The following ZDHHC14 variants were observed in gnomAD, a reference collection of about 807,000 sequenced individuals.
ZDHHC14 encodes the protein zDHHC palmitoyltransferase 14.
In ZDHHC14, 16 loss-of-function variants were observed where a neutral mutation model predicts 47.7. The ratio of observed to expected loss-of-function variants is 0.34; its 90% confidence interval spans 0.23 to 0.51. The LOEUF (loss-of-function observed/expected upper bound fraction) is 0.51. ZDHHC14 is among the 20% of genes least tolerant of loss of function. The probability of loss-of-function intolerance (pLI) is 0.97; values close to 1 mark genes in which losing one functional copy is unlikely to be tolerated. For synonymous variants in ZDHHC14, 293 were observed against 278.9 expected, an observed-to-expected ratio of 1.05 and a Z score of -0.50; for missense variants, 515 against 662.5, an observed-to-expected ratio of 0.78 and a Z score of 2.44.
intron 1 of ZDHHC14, among the ~76,000 whole-genome samples, chr6:157,458,015 G>T (rs913484334): frequency 6.6e-6 from 1 of 152,228 alleles, no homozygotes; most frequent in Non-Finnish European, 1.5e-5. Context: ...TTGCAGGAAA[G>T]ATAAATAAAT....
At chr6:157,572,645 G>A (rs868175211) in intron 2 of ZDHHC14, among the ~76,000 whole-genome samples, 50 of 64,214 alleles carry the variant, frequency 7.8e-4, no homozygotes, top group Admixed American at 2.1e-3. Context: ...CCCTCCCCCC[G>A]CCCCCCACCC....
intron 3 of ZDHHC14, among the ~76,000 whole-genome samples, chr6:157,597,024 G>A (rs1035096125): frequency 9.9e-5 from 15 of 152,076 alleles, no homozygotes; most frequent in East Asian, 3.8e-4. Context: ...GCCTGTTTCC[G>A]TCTGTCTCTT....
rs144040051 is a variant in ZDHHC14 at position 157,442,735 on chromosome 6, C to T, written c.245+60469C>T. 5.3e-5 allele frequency among the ~76,000 whole-genome samples: 8 copies of T among 152,360 alleles called. No individual in the cohort carries two copies. The South Asian group carries it at 6.2e-4, about 12-fold the overall frequency. ...CCAAGTCTGAAGCCCGCCCAGCAGA[C>T]GCCTCCTGAAGAACAATTTGCTCTT... is the stretch of plus-strand genomic sequence containing the variant. On this transcript the variant is annotated intron_variant, in intron 1 of 8. Transcript: ENST00000359775.
intron 1 of ZDHHC14, among the ~76,000 whole-genome samples, chr6:157,494,375 G>GT (rs1458535768): frequency 6.6e-6 from 1 of 152,162 alleles, no homozygotes; most frequent in Non-Finnish European, 1.5e-5. Context: ...CCCTCCCTGC[G>GT]GGCTCTGCAT....
At chr6:157,627,418 G>A (rs1785482068) in intron 3 of ZDHHC14, among the ~76,000 whole-genome samples, 1 of 152,190 alleles carries the variant, frequency 6.6e-6, no homozygotes, top group African/African-American at 2.4e-5. Flanking sequence ...TTGTATGAGC[G>A]AGTATGTTAG....
At chr6:157,503,410 C>T (rs1315360268) in intron 1 of ZDHHC14, among the ~76,000 whole-genome samples, 1 of 152,184 alleles carries the variant, frequency 6.6e-6, no homozygotes, top group Admixed American at 6.5e-5. Flanking sequence ...TACATCTCCG[C>T]TCCTGAACTT....
At chr6:157,386,370 A>G (rs969542902) in intron 1 of ZDHHC14, among the ~76,000 whole-genome samples, 1 of 152,224 alleles carries the variant, frequency 6.6e-6, no homozygotes, top group South Asian at 2.1e-4. Context: ...TTAAAAATAT[A>G]CAAATAAAAT....
chr6:157,555,752 C>A (rs943731136), intron 2 of ZDHHC14, among the ~76,000 whole-genome samples: 4 of 152,180 alleles, frequency 2.6e-5, no homozygotes, highest in African/African-American at 7.2e-5. Flanking sequence ...GCCCCGCACC[C>A]CCACCCCTGT....
intron 1 of ZDHHC14, among the ~76,000 whole-genome samples, chr6:157,417,452 G>GCATTA: frequency 6.6e-6 from 1 of 152,256 alleles, no homozygotes. Context: ...CCCTTTTTAA[G>GCATTA]AGCTGCTTAG....
intron 8 of ZDHHC14, 74 bp from the exon 9 acceptor site, chr6:157,672,645 CCCTGT>C: frequency 3.2e-6 from 1 of 310,532 alleles, no homozygotes; most frequent in Non-Finnish European, 6.3e-6. Context: ...CCCGCCCGTG[CCCTGT>C]CCCCATCCCT....
chr6:157,395,811 C>A (rs1354473864), intron 1 of ZDHHC14, among the ~76,000 whole-genome samples: 1 of 150,286 alleles, frequency 6.7e-6, no homozygotes, highest in Non-Finnish European at 1.5e-5. Flanking sequence ...AAAAAAAAAT[C>A]CCAAGTTTCT....
chr6:157,503,895 C>T (rs1583717715), intron 1 of ZDHHC14, among the ~76,000 whole-genome samples: 1 of 152,228 alleles, frequency 6.6e-6, no homozygotes, highest in East Asian at 1.9e-4. Flanking sequence ...TTGGTGCCAC[C>T]ACTTTGGATA....
intron 1 of ZDHHC14, among the ~76,000 whole-genome samples, chr6:157,468,978 T>C (rs1779290167): frequency 6.6e-6 from 1 of 152,220 alleles, no homozygotes; most frequent in Non-Finnish European, 1.5e-5. Flanking sequence ...TAGGGCCATC[T>C]TCCCAGGAGA....
chr6:157,399,903 G>A (rs1348786946), intron 1 of ZDHHC14, among the ~76,000 whole-genome samples: 2 of 152,182 alleles, frequency 1.3e-5, no homozygotes, highest in East Asian at 3.9e-4. Flanking sequence ...TGACATTTGG[G>A]GCAAGGAGAG....
intron 1 of ZDHHC14, among the ~76,000 whole-genome samples, chr6:157,458,534 T>C (rs1415099238): frequency 6.6e-6 from 1 of 152,242 alleles, no homozygotes; most frequent in Non-Finnish European, 1.5e-5. Context: ...TGGGATTATC[T>C]AGTTAAAATG....
chr6:157,443,432 C>T (rs2114794420), intron 1 of ZDHHC14, among the ~76,000 whole-genome samples: 1 of 152,112 alleles, frequency 6.6e-6, no homozygotes, highest in South Asian at 2.1e-4. Context: ...CTATCCTGAA[C>T]CCCATCCCTT....
At chr6:157,433,359 T>A (rs545529021) in intron 1 of ZDHHC14, among the ~76,000 whole-genome samples, 2 of 152,290 alleles carry the variant, frequency 1.3e-5, no homozygotes, top group East Asian at 3.9e-4. Context: ...ATAAAAAAAA[T>A]TGTAGCCCCC....
chr6:157,621,685 C>T (rs561805616), intron 3 of ZDHHC14, among the ~76,000 whole-genome samples: 3 of 152,276 alleles, frequency 2.0e-5, no homozygotes, highest in South Asian at 4.2e-4. Flanking sequence ...TGTTAGAACC[C>T]GACTTCTGGG....
chr6:157,406,235 G>A (rs1210128891), intron 1 of ZDHHC14, among the ~76,000 whole-genome samples: 7 of 152,150 alleles, frequency 4.6e-5, no homozygotes, highest in Non-Finnish European at 8.8e-5. Context: ...CTGGAGGACC[G>A]GGTGCTGAGA....
Sources: allele counts gnomAD v4.1 joint callset (sites outside exome capture counted in the v4.1 genomes callset), GRCh38; gene constraint gnomAD v4.1.1; transcripts MANE v1.5; gene names NCBI Gene and HGNC (gene_info 2026-07-23, HGNC 2026-07-21).